Variants in RARB observed in about 807,000 individuals in gnomAD.
RARB encodes the protein HBV-activated protein.
Under a neutral mutation model 51.9 loss-of-function variants are expected in RARB, and 17 were observed. The ratio of observed to expected loss-of-function variants is 0.33; its 90% CI spans 0.22 to 0.49. The LOEUF is 0.49. Among genes scored for constraint, RARB ranks in the 20% least tolerant of loss-of-function variants. RARB has a pLI of 0.99. For synonymous variants in RARB, 215 were observed against 195.4 expected, an observed-to-expected ratio of 1.10 and a Z score of -0.84; for missense variants, 369 against 550.8, an observed-to-expected ratio of 0.67 and a Z score of 3.30.
intron 3 of RARB, among the ~76,000 whole-genome samples, chr3:25,062,503 C>T (rs1435557038): frequency 6.6e-6 from 1 of 151,920 alleles, no homozygotes; most frequent in Non-Finnish European, 1.5e-5. Context: ...TACTTAAGTT[C>T]ACATGATACA....
At chr3:25,401,718 CACAA>C (rs1432031071) in intron 5 of RARB, among the ~76,000 whole-genome samples, 1 of 152,156 alleles carries the variant, frequency 6.6e-6, no homozygotes, top group Non-Finnish European at 1.5e-5. Flanking sequence ...CAGACGGAAG[CACAA>C]ACAGATAAAA....
intron 2 of RARB, among the ~76,000 whole-genome samples, chr3:24,908,168 G>A (rs1444150038): frequency 6.6e-6 from 1 of 152,116 alleles, no homozygotes; most frequent in African/African-American, 2.4e-5. Context: ...TGGAGAAAAA[G>A]CACTGATTCT....
At chr3:25,384,167 G>C (rs151192915) in intron 5 of RARB, among the ~76,000 whole-genome samples, 1 of 152,096 alleles carries the variant, frequency 6.6e-6, no homozygotes, top group East Asian at 1.9e-4. Context: ...AATGCTCTGG[G>C]GGTCCATGAG....
intron 2 of RARB, among the ~76,000 whole-genome samples, chr3:25,474,347 C>T (rs973159123): frequency 2.0e-5 from 3 of 152,058 alleles, no homozygotes; most frequent in South Asian, 2.1e-4. Flanking sequence ...GGGGACTTTG[C>T]GATTATGGTC....
chr3:25,592,204 C>A (rs1053088263), intron 5 of RARB, among the ~76,000 whole-genome samples: 2 of 152,210 alleles, frequency 1.3e-5, no homozygotes, highest in African/African-American at 2.4e-5. Flanking sequence ...GGCTGTGTAA[C>A]AGGAATAATG....
intron 3 of RARB, among the ~76,000 whole-genome samples, chr3:25,064,179 G>T (rs985290792): frequency 5.9e-5 from 9 of 152,036 alleles, no homozygotes; most frequent in African/African-American, 1.2e-4. Flanking sequence ...TAGGATATGA[G>T]AACTGGAGTT....
intron 2 of RARB, among the ~76,000 whole-genome samples, chr3:24,960,125 C>G (rs1696106209): frequency 1.3e-5 from 2 of 152,144 alleles, no homozygotes; most frequent in Admixed American, 6.5e-5. Context: ...AATGTTCTTT[C>G]CCTTTCAGGT....
chr3:24,834,367 T>C (rs1284235900), intron 1 of RARB, among the ~76,000 whole-genome samples: 2 of 152,170 alleles, frequency 1.3e-5, no homozygotes, highest in Non-Finnish European at 2.9e-5. Context: ...ACAGTACATA[T>C]AATAAAAAAC....
chr3:25,160,323 C>G (rs781099152), intron 4 of RARB, among the ~76,000 whole-genome samples: 3 of 152,194 alleles, frequency 2.0e-5, no homozygotes, highest in Non-Finnish European at 4.4e-5. Context: ...GTTGCACTTT[C>G]CCAATAAAAT....
At chr3:25,393,193 A>C (rs1033919944) in intron 5 of RARB, among the ~76,000 whole-genome samples, 10 of 151,972 alleles carry the variant, frequency 6.6e-5, no homozygotes, top group Non-Finnish European at 1.5e-4. Context: ...TATCACATTT[A>C]TTGACTTCTA....
At chr3:25,126,500 TA>T (rs1176923375) in intron 3 of RARB, among the ~76,000 whole-genome samples, 1 of 152,142 alleles carries the variant, frequency 6.6e-6, no homozygotes, top group Non-Finnish European at 1.5e-5. Context: ...GTACCTTTCT[TA>T]AAACGAAGGA....
At chr3:25,136,200 A>C (rs1425960596) in intron 4 of RARB, among the ~76,000 whole-genome samples, 1 of 152,000 alleles carries the variant, frequency 6.6e-6, no homozygotes, top group Non-Finnish European at 1.5e-5. Context: ...GGCATATGTC[A>C]TGATGGGAAG....
chr3:25,067,591 T>C (rs1698687420), intron 3 of RARB, among the ~76,000 whole-genome samples: 1 of 152,224 alleles, frequency 6.6e-6, no homozygotes, highest in African/African-American at 2.4e-5. Flanking sequence ...TTATGTGTAT[T>C]GACTATGTGT....
chr3:24,935,635 CG>C (rs1233583467), intron 2 of RARB, among the ~76,000 whole-genome samples: 2 of 152,122 alleles, frequency 1.3e-5, no homozygotes, highest in Non-Finnish European at 2.9e-5. Context: ...ATCCCTAGGA[CG>C]TAGAAGGCAC....
At chr3:24,967,023 T>C (rs978587470) in intron 2 of RARB, among the ~76,000 whole-genome samples, 2 of 152,156 alleles carry the variant, frequency 1.3e-5, no homozygotes, top group Non-Finnish European at 2.9e-5. Flanking sequence ...TCCATGTCTT[T>C]TATTTACTTT....
At chr3:25,326,560 T>C (rs1404374943) in intron 5 of RARB, among the ~76,000 whole-genome samples, 2 of 152,160 alleles carry the variant, frequency 1.3e-5, no homozygotes, top group Non-Finnish European at 2.9e-5. Context: ...AAAAGTAAAT[T>C]AAATAACTTC....
chr3:25,026,973 A>T (rs1275482409), intron 2 of RARB, among the ~76,000 whole-genome samples: 1 of 131,650 alleles, frequency 7.6e-6, no homozygotes, highest in Non-Finnish European at 1.6e-5. Context: ...CATTTATTGT[A>T]AGTTTATAGA....
intron 2 of RARB, among the ~76,000 whole-genome samples, chr3:24,860,928 A>G (rs1022472308): frequency 6.6e-6 from 1 of 152,202 alleles, no homozygotes; most frequent in Admixed American, 6.5e-5. Context: ...TGCTAGGAGC[A>G]ATAGACTATA....
intron 2 of RARB, among the ~76,000 whole-genome samples, chr3:25,025,969 AC>A (rs1360223840): frequency 2.6e-5 from 4 of 152,138 alleles, no homozygotes; most frequent in Non-Finnish European, 4.4e-5. Context: ...CTCTGATTCA[AC>A]CTGATAGTCT....
Sources: gnomAD v4.1 joint callset for allele counts (sites outside exome capture counted in the v4.1 genomes callset) on GRCh38, gnomAD v4.1.1 for gene constraint, MANE v1.5 for transcripts, NCBI Gene and HGNC (gene_info 2026-07-23, HGNC 2026-07-21) for gene names.